Variants in SEPTIN7 observed in about 807,000 individuals in gnomAD.
SEPTIN7 encodes septin 7, also known as septin-7.
SEPTIN7 carries 10 observed loss-of-function variants against 63.3 expected under a neutral mutation model. That is an observed-to-expected ratio of 0.16 (90% CI 0.10 to 0.27). The LOEUF (loss-of-function observed/expected upper bound fraction) is 0.27, where lower values mean the gene tolerates loss of function less well. Among genes scored for constraint, SEPTIN7 ranks in the 10% least tolerant of loss-of-function variants. SEPTIN7 has a pLI of 1.00. For missense variants in SEPTIN7, 310 were observed against 521.0 expected, an observed-to-expected ratio of 0.59 and a Z score of 3.94; for synonymous variants, 131 against 165.3, an observed-to-expected ratio of 0.79 and a Z score of 1.59.
At chr7:35,915,006 T>C in the SEPTIN7 span, among the ~76,000 whole-genome samples, 8 of 151,896 alleles carry the variant, frequency 5.3e-5, no homozygotes, top group Middle Eastern at 3.4e-3. Flanking sequence ...ACATATAATG[T>C]ATGTGTACAT....
Position 35,879,864 on chromosome 7 carries a change from A to G in SEPTIN7, c.554A>G (p.Glu185Gly), listed in dbSNP as rs778001627. 6.2e-7 allele frequency: 1 copy of G among 1,600,254 alleles called. No homozygotes were observed. The highest frequency in any genetic ancestry group is 2.2e-5 in the East Asian group (1 of 44,584). Residue 185 changes from glutamate (E) to glycine (G), a missense_variant, in exon 7 of 14, where the codon GAA becomes GGA. Coordinates refer to ENST00000350320, the MANE Select transcript of SEPTIN7 (RefSeq NM_001788.6). Reference protein sequence around the residue: ...LDIEFMKRLHEKVNIIPLIAK... With the variant: ...LDIEFMKRLHGKVNIIPLIAK... ...ATTGAGTTTATGAAGCGTTTGCATG[A>G]AAAAGTGAATATCATCCCACTTATT...
chr7:35,886,082 G>T (rs1319813726), intron 10 of SEPTIN7, among the ~76,000 whole-genome samples: 1 of 152,162 alleles, frequency 6.6e-6, no homozygotes, highest in African/African-American at 2.4e-5. Flanking sequence ...TTTGTCTAGG[G>T]ATACATAGGA....
chr7:35,877,142 T>G (rs1786520478), intron 6 of SEPTIN7, among the ~76,000 whole-genome samples: 1 of 152,012 alleles, frequency 6.6e-6, no homozygotes, highest in East Asian at 1.9e-4. Context: ...ATAGGTTCTT[T>G]TAGTTAACAC....
Position 35,874,760 on chromosome 7 carries a change from A to T in SEPTIN7, c.512+985A>T, listed in dbSNP as rs1583602159. 2.6e-5 allele frequency among the ~76,000 whole-genome samples: 4 copies of T among 152,240 alleles called. No homozygotes were observed. The East Asian group carries it at 7.7e-4, about 29-fold the overall frequency. On this transcript the variant is annotated intron_variant, in intron 6 of 13. Transcript: ENST00000350320. ...TATATACTTATATGTTTGCACTGCC[A>T]GATTGTAGTGGAGTAAAGATGTTTC...
intron 1 of SEPTIN7, among the ~76,000 whole-genome samples, chr7:35,814,940 A>C (rs1223143616): frequency 1.5e-5 from 2 of 134,016 alleles, no homozygotes; most frequent in African/African-American, 5.9e-5. Context: ...TCGCCACTGC[A>C]CTCCAGCCTA....
intron 1 of SEPTIN7, among the ~76,000 whole-genome samples, chr7:35,803,550 G>A (rs552931324): frequency 5.8e-4 from 88 of 152,330 alleles, no homozygotes; most frequent in African/African-American, 2.0e-3. Flanking sequence ...CATATTCATT[G>A]TAGACTGTAT....
intron 1 of SEPTIN7, among the ~76,000 whole-genome samples, chr7:35,810,279 A>G (rs1336411287): frequency 6.6e-6 from 1 of 151,978 alleles, no homozygotes; most frequent in East Asian, 1.9e-4. Flanking sequence ...TTGTCCTTCA[A>G]ATATAGACTG....
chr7:35,840,486 C>G (rs1784359313), intron 3 of SEPTIN7, among the ~76,000 whole-genome samples: 1 of 151,694 alleles, frequency 6.6e-6, no homozygotes, highest in African/African-American at 2.4e-5. Flanking sequence ...CTGTGTTGCC[C>G]AGGCTAACCT....
chr7:35,879,490 T>TA lies in SEPTIN7; in HGVS notation c.513-320dup, dbSNP rs11345858. ...TGAGACCCTGTCTTAAAAAATTAAA[T>TA]AAAAAAAAAAAAATTAAAAACCTTG... On this transcript the variant is annotated intron_variant, in intron 6 of 13. Transcript: ENST00000350320. 1,543 of 156,540 alleles carry TA rather than the reference T, an allele frequency of 9.9e-3. 29 individuals are homozygous for TA. Among genetic ancestry groups the TA allele is most frequent in the African/African-American group, 0.035 (1,418 of 40,852 alleles). 9.7% of individuals were successfully genotyped at this position (156,540 alleles called of 1,614,324 possible).
intron 1 of SEPTIN7, among the ~76,000 whole-genome samples, chr7:35,821,398 A>G (rs766907947): frequency 6.6e-6 from 1 of 152,188 alleles, no homozygotes; most frequent in African/African-American, 2.4e-5. Flanking sequence ...TTTTCTAGTC[A>G]ATATATCATT....
At chr7:35,869,468 G>GA in intron 4 of SEPTIN7, among the ~76,000 whole-genome samples, 1 of 152,288 alleles carries the variant, frequency 6.6e-6, no homozygotes, top group East Asian at 1.9e-4. Flanking sequence ...AATGTCTTCA[G>GA]AGTTTTGGCT....
chr7:35,842,333 T>G (rs745732609), intron 3 of SEPTIN7, among the ~76,000 whole-genome samples: 1 of 144,456 alleles, frequency 6.9e-6, no homozygotes. Flanking sequence ...TTAATTTTAC[T>G]CAAACTTTGT....
At chr7:35,865,684 CTT>C (rs1785772753) in intron 4 of SEPTIN7, among the ~76,000 whole-genome samples, 6 of 151,700 alleles carry the variant, frequency 4.0e-5, no homozygotes, top group Admixed American at 3.3e-4. Context: ...TTGAACATGT[CTT>C]TTGTACTCAT....
intron 4 of SEPTIN7, among the ~76,000 whole-genome samples, chr7:35,867,389 C>T (rs1583589307): frequency 1.3e-5 from 2 of 152,148 alleles, no homozygotes; most frequent in African/African-American, 4.8e-5. Flanking sequence ...CCTGCTCTTT[C>T]ACCCAGCTGG....
At position 35,801,266 on chromosome 7, in the gene SEPTIN7, C is replaced by A. The variant is rs567956268; in HGVS notation, c.57C>A (p.Thr19=). The change falls in exon 1 of 14, where the codon ACC becomes ACA. Residue 19 remains threonine, a synonymous_variant. Transcript: ENST00000350320. ...AAEERSVNSS[T]MVAQQKNLEG... ...AGGAGAGGAGCGTCAACAGCAGCACCATGGGTGAGTCTCAGCTTCGGGTGC... is the reference window on the plus strand; with the variant it reads ...AGGAGAGGAGCGTCAACAGCAGCACAATGGGTGAGTCTCAGCTTCGGGTGC... 2.0e-6 allele frequency: 3 copies of A among 1,487,384 alleles called. No individual in the cohort carries two copies. The highest frequency in any genetic ancestry group is 1.8e-5 in the African/African-American group (1 of 56,616). 92.1% of individuals were successfully genotyped at this position (1,487,384 alleles called of 1,614,324 possible). A position where few individuals can be genotyped will look rare whatever the true frequency, so the allele number is the denominator to read the frequency against.
chr7:35,818,146 C>A (rs1789196826), intron 1 of SEPTIN7, among the ~76,000 whole-genome samples: 1 of 151,714 alleles, frequency 6.6e-6, no homozygotes, highest in African/African-American at 2.4e-5. Flanking sequence ...GTTGAGGTTC[C>A]CTTGTATGTC....
At chr7:35,873,824 G>A in intron 6 of SEPTIN7, 49 bp downstream of exon 6, 1 of 1,569,252 alleles carries the variant, frequency 6.4e-7, no homozygotes, top group Non-Finnish European at 8.7e-7. Flanking sequence ...GTTGCTTACT[G>A]TTACCTTTAT....
At chr7:35,805,068 G>A (rs1583475630) in intron 1 of SEPTIN7, among the ~76,000 whole-genome samples, 1 of 152,078 alleles carries the variant, frequency 6.6e-6, no homozygotes, top group African/African-American at 2.4e-5. Flanking sequence ...TTTTAGTAGA[G>A]ACGGGGTTTC....
intron 1 of SEPTIN7, 129 bp downstream of exon 1, chr7:35,801,399 T>G: frequency 1.1e-5 from 13 of 1,135,100 alleles, no homozygotes; most frequent in African/African-American, 3.4e-5. Context: ...GGAGCCGGGA[T>G]GGGGGCCACT....
Sources: gnomAD v4.1 joint callset for allele counts (sites outside exome capture counted in the v4.1 genomes callset) on GRCh38, gnomAD v4.1.1 for gene constraint, MANE v1.5 for transcripts, NCBI Gene and HGNC (gene_info 2026-07-23, HGNC 2026-07-21) for gene names.